ARFGAP3: variants seen among roughly 807,000 people sequenced by gnomAD.
ARFGAP3 encodes the protein ARF GTPase activating protein 3.
Under a neutral mutation model 75.0 loss-of-function variants are expected in ARFGAP3, and 72 were observed. The ratio of observed to expected loss-of-function variants is 0.96; its 90% CI spans 0.79 to 1.17. The LOEUF is 1.17. Among genes scored for constraint, ARFGAP3 ranks in the 50% most tolerant of loss-of-function variants. The pLI is 0.00. For missense variants in ARFGAP3, 620 were observed against 626.6 expected, an observed-to-expected ratio of 0.99 and a Z score of 0.11; for synonymous variants, 221 against 217.9, an observed-to-expected ratio of 1.01 and a Z score of -0.13.
chr22:42,849,959 C>G (rs112576765), intron 1 of ARFGAP3, among the ~76,000 whole-genome samples: 121 of 152,234 alleles, frequency 7.9e-4, no homozygotes, highest in African/African-American at 2.9e-3. Context: ...AAATCTCACA[C>G]ACAGCCTGAA....
intron 1 of ARFGAP3, among the ~76,000 whole-genome samples, chr22:42,855,685 AAAAATT>A (rs1278142042): frequency 3.3e-5 from 5 of 151,390 alleles, no homozygotes; most frequent in African/African-American, 9.8e-5. Context: ...TCTGTCTCAA[AAAAATT>A]AAAATTAAAA....
chr22:42,798,525 A>G (rs1401628740), intron 15 of ARFGAP3, among the ~76,000 whole-genome samples: 2 of 152,028 alleles, frequency 1.3e-5, no homozygotes, highest in East Asian at 1.9e-4. Context: ...GTTTTCACTC[A>G]ATAGAATGTG....
chr22:42,826,075 G>A (rs188363572), intron 7 of ARFGAP3, among the ~76,000 whole-genome samples: 2 of 152,236 alleles, frequency 1.3e-5, no homozygotes, highest in East Asian at 1.9e-4. Context: ...AAACTCTGAC[G>A]AGTCTAAAAC....
chr22:42,817,810 T>G lies in ARFGAP3; in HGVS notation c.860A>C (p.Lys287Thr). Residue 287 changes from lysine (K) to threonine (T), a missense_variant, in exon 10 of 16, where the codon AAG becomes ACG. Lys to Thr is a moderately conservative substitution (Grantham distance 78). Transcript: ENST00000263245. ...LAYKDLEIQM[K>T]KDEKMNISGK... is the part of the protein sequence containing the mutation. ...ACTAATGTTCATCTTTTCGTCTTTC[T>G]TCATTTGAATTTCAAGATCCTTATA... 1 of 1,613,468 alleles carries G rather than the reference T, an allele frequency of 6.2e-7. No homozygotes were observed. Among genetic ancestry groups the G allele is most frequent in the Non-Finnish European group, 8.5e-7 (1 of 1,179,756 alleles).
chr22:42,808,782 T>A lies in ARFGAP3; in HGVS notation c.1305A>T (p.Arg435Ser). 6.2e-7 allele frequency: 1 copy of A among 1,612,280 alleles called. No individual in the cohort carries two copies. Among genetic ancestry groups the A allele is most frequent in the Non-Finnish European group, 8.5e-7 (1 of 1,178,978 alleles). Residue 435 changes from arginine to serine, a missense_variant, in exon 13 of 16, where the codon AGA (arginine) becomes AGT (serine). Arg to Ser is a moderately radical substitution (Grantham distance 110, BLOSUM62 -1). Transcript: ENST00000263245. ...KAISSDMYFG[R>S]QSQADYETRA... ...GGACCCTTACATCAGCCTGGGATTG[T>A]CTTCCAAAATACATATCTGATGAAA...
chr22:42,807,317 C>A lies in ARFGAP3; in HGVS notation c.1321-154G>T, dbSNP rs150998782. On this transcript the variant is annotated intron_variant, in intron 13 of 15. Transcript: ENST00000263245. ...ATGCCACTGCCAAGGCCAGGTCCTG[C>A]GGGACAGCACAAAGCTCATGTTCTG... is the stretch of plus-strand genomic sequence containing the variant. 2,439 of 953,038 alleles carry A rather than the reference C, an allele frequency of 2.6e-3. 71 individuals are homozygous for A. In the Admixed American group the frequency reaches 0.082, roughly 32 times the overall value. 59.0% of individuals were successfully genotyped at this position (953,038 alleles called of 1,614,324 possible). A position where few individuals can be genotyped will look rare whatever the true frequency, so the allele number is the denominator to read the frequency against.
At chr22:42,840,848 G>T in intron 3 of ARFGAP3, 96 bp downstream of exon 3, 2 of 1,278,166 alleles carry the variant, frequency 1.6e-6, no homozygotes, top group Non-Finnish European at 2.2e-6. Context: ...TGAGATTACA[G>T]GCATGAGCCA....
At chr22:42,808,980 G>A in intron 12 of ARFGAP3, 90 bp from the exon 13 acceptor site, 1 of 1,322,260 alleles carries the variant, frequency 7.6e-7, no homozygotes, top group Non-Finnish European at 9.7e-7. Context: ...AATGCCAACA[G>A]CAGTAAATTT....
At chr22:42,835,546 G>C in intron 3 of ARFGAP3, 53 bp from the exon 4 acceptor site, 1 of 1,597,486 alleles carries the variant, frequency 6.3e-7, no homozygotes, top group Non-Finnish European at 8.5e-7. Context: ...GTATGGCCAG[G>C]CGCAGTGGCT....
In ARFGAP3 at chr22:42,807,151, C is replaced by T. The variant is rs1344125621; in HGVS notation, c.1333G>A (p.Ala445Thr). 1 of 1,611,590 alleles carries T rather than the reference C, an allele frequency of 6.2e-7. No homozygotes were observed. Among genetic ancestry groups the T allele is most frequent in the Non-Finnish European group, 8.5e-7 (1 of 1,178,912 alleles). The change falls in exon 14 of 16, where the codon GCC (alanine) becomes ACC (threonine). Residue 445 changes from alanine (A) to threonine (T), a missense_variant. Transcript: ENST00000263245. ...RQSQADYETR[A>T]RLERLSASSS... Reference sequence around the variant, plus strand: ...CTTGCCGACAGCCTCTCTAGGCGGGCCCTGGTCTCATACTAGAGAAGACAA... The same window carrying T: ...CTTGCCGACAGCCTCTCTAGGCGGGTCCTGGTCTCATACTAGAGAAGACAA...
At chr22:42,829,080 G>C (rs1926171496) in intron 6 of ARFGAP3, among the ~76,000 whole-genome samples, 1 of 152,186 alleles carries the variant, frequency 6.6e-6, no homozygotes, top group Non-Finnish European at 1.5e-5. Context: ...GTTCCTGTTT[G>C]TTAGGAGATT....
At chr22:42,850,763 ACACTGAATAAT>A (rs1479568042) in intron 1 of ARFGAP3, among the ~76,000 whole-genome samples, 1 of 152,146 alleles carries the variant, frequency 6.6e-6, no homozygotes, top group Non-Finnish European at 1.5e-5. Context: ...CACTGATCGC[ACACTGAATAAT>A]CGGGGTGGAG....
At chr22:42,827,368 G>GA (rs1555898025) in intron 6 of ARFGAP3, among the ~76,000 whole-genome samples, 2 of 150,586 alleles carry the variant, frequency 1.3e-5, no homozygotes, top group Non-Finnish European at 3.0e-5. Flanking sequence ...GTTTTGTTTT[G>GA]TTTTTTTTTC....
intron 11 of ARFGAP3, among the ~76,000 whole-genome samples, chr22:42,815,787 A>C (rs1925551785): frequency 6.6e-6 from 1 of 152,210 alleles, no homozygotes; most frequent in Non-Finnish European, 1.5e-5. Context: ...GGTGGTCCTC[A>C]ATGTGGTTAG....
At chr22:42,838,476 T>G (rs1926636535) in intron 3 of ARFGAP3, among the ~76,000 whole-genome samples, 1 of 151,468 alleles carries the variant, frequency 6.6e-6, no homozygotes, top group Non-Finnish European at 1.5e-5. Context: ...TTTTAAGTCT[T>G]TTGTACGATG....
intron 14 of ARFGAP3, among the ~76,000 whole-genome samples, chr22:42,801,660 G>C (rs1738694307): frequency 6.6e-6 from 1 of 152,150 alleles, no homozygotes; most frequent in Non-Finnish European, 1.5e-5. Context: ...TGGCCGGTGG[G>C]CAGGTGCTCA....
intron 15 of ARFGAP3, among the ~76,000 whole-genome samples, chr22:42,798,458 A>T (rs1038802091): frequency 6.6e-6 from 1 of 152,272 alleles, no homozygotes; most frequent in East Asian, 1.9e-4. Context: ...CGAGCCACTC[A>T]TATCGTCACA....
chr22:42,848,182 G>A (rs897758931), intron 1 of ARFGAP3, among the ~76,000 whole-genome samples: 2 of 150,578 alleles, frequency 1.3e-5, no homozygotes, highest in African/African-American at 4.9e-5. Context: ...GATTTATACA[G>A]TATATTACAG....
chr22:42,854,293 A>G (rs1022311636), intron 1 of ARFGAP3, among the ~76,000 whole-genome samples: 1 of 152,194 alleles, frequency 6.6e-6, no homozygotes, highest in Non-Finnish European at 1.5e-5. Context: ...AAAAGTAAGG[A>G]ATGGTATAGC....
Sources: gnomAD v4.1 joint callset for allele counts (sites outside exome capture counted in the v4.1 genomes callset) on GRCh38, gnomAD v4.1.1 for gene constraint, MANE v1.5 for transcripts, NCBI Gene and HGNC (gene_info 2026-07-23, HGNC 2026-07-21) for gene names.